The following CISD2 variants were observed in gnomAD, a reference collection of about 807,000 sequenced individuals.
CISD2 encodes CDGSH iron sulfur domain 2.
A neutral mutation model predicts 12.9 loss-of-function variants in CISD2; 1 was observed. That is an observed-to-expected ratio of 0.08 (90% CI 0.03 to 0.37). CISD2 has a LOEUF of 0.37. Ranked by LOEUF, CISD2 falls within the 10% of genes least tolerant of loss-of-function variation. CISD2 has a pLI of 0.99. For synonymous variants in CISD2, 50 were observed against 60.6 expected, an observed-to-expected ratio of 0.83 and a Z score of 0.81; for missense variants, 97 against 163.1, an observed-to-expected ratio of 0.59 and a Z score of 2.21.
intron 1 of CISD2, among the ~76,000 whole-genome samples, chr4:102,879,162 T>C (rs1260000500): frequency 6.6e-6 from 1 of 152,094 alleles, no homozygotes; most frequent in Non-Finnish European, 1.5e-5. Context: ...GGTTCCTCCC[T>C]TGACGTGGGG....
chr4:102,879,270 TA>T (rs1733659642), intron 1 of CISD2, among the ~76,000 whole-genome samples: 1 of 151,946 alleles, frequency 6.6e-6, no homozygotes, highest in African/African-American at 2.4e-5. Flanking sequence ...ATTTAATTTT[TA>T]TAGTAATAAT....
rs1734085808 is a variant in CISD2, at chr4:102,888,965, T to A, written c.*1535T>A. The A allele has an allele frequency of 6.6e-6, 1 of 152,246 alleles. No homozygotes were observed. The highest frequency in any genetic ancestry group is 2.4e-5 in the African/African-American group (1 of 41,468). The allele number at this position is 152,246 out of a possible 1,614,324, so 9.4% of individuals were successfully genotyped here. A position where few individuals can be genotyped will look rare whatever the true frequency, so the allele number is the denominator to read the frequency against. ...ACTTTGCTTTCTTTTTATAAGAATG[T>A]ACAAGAGGCAGACAGAGGTAATCCT... On this transcript the variant is annotated 3_prime_UTR_variant, in exon 3 of 3. Transcript: ENST00000273986.
intron 1 of CISD2, among the ~76,000 whole-genome samples, chr4:102,872,604 T>C (rs79069143): frequency 6.6e-6 from 1 of 152,208 alleles, no homozygotes; most frequent in Non-Finnish European, 1.5e-5. Flanking sequence ...TCTGTTCTAG[T>C]TCTGTGGAAT....
intron 1 of CISD2, among the ~76,000 whole-genome samples, chr4:102,871,571 A>G (rs1314699876): frequency 6.6e-6 from 1 of 152,168 alleles, no homozygotes; most frequent in Non-Finnish European, 1.5e-5. Flanking sequence ...GGACAAAACA[A>G]TTGCAGGGTT....
In CISD2 at chr4:102,890,806, C is replaced by CAATAAGTAAGCTACTTAT. The variant is rs1327456037; in HGVS notation, c.*3376_*3377insAATAAGTAAGCTACTTAT. The CAATAAGTAAGCTACTTAT allele has an allele frequency of 1.3e-3, 169 of 128,366 alleles. 4 individuals are homozygous for CAATAAGTAAGCTACTTAT. Among genetic ancestry groups the CAATAAGTAAGCTACTTAT allele is most frequent in the African/African-American group, 5.1e-3 (158 of 30,688 alleles). The allele number at this position is 128,366 out of a possible 1,614,324, so 8.0% of individuals were successfully genotyped here. On this transcript the variant is annotated 3_prime_UTR_variant, in exon 3 of 3. Transcript: ENST00000273986. ...AGTGAGCCAAGATTGTGCCACTGCA[C>CAATAAGTAAGCTACTTAT]TCCAGCCTGGGCAACAGAAGTGAAA...
In CISD2 at chr4:102,887,930, AT is replaced by A. The variant is rs1398695925; in HGVS notation, c.*502del. The A allele has an allele frequency of 1.3e-5, 2 of 155,190 alleles. No individual in the cohort carries two copies. Among genetic ancestry groups the A allele is most frequent in the East Asian group, 3.8e-4 (2 of 5,318 alleles). 9.6% of individuals were successfully genotyped at this position (155,190 alleles called of 1,614,324 possible). On this transcript the variant is annotated 3_prime_UTR_variant, in exon 3 of 3. Coordinates refer to ENST00000273986, the MANE Select transcript of CISD2 (RefSeq NM_001008388.5). ...GAGATAGACTCTTTGCTTTATAGAG[AT>A]TGTTGTGTATTTAATATGAATATCC...
At chr4:102,874,551 G>A (rs1273181271) in intron 1 of CISD2, 11 of 152,122 alleles carry the variant, frequency 7.2e-5, no homozygotes, top group Admixed American at 7.2e-4. Flanking sequence ...ATGTGAAGAT[G>A]GAGGCAGAGA....
At chr4:102,874,126 CA>C (rs35847709) in intron 1 of CISD2, among the ~76,000 whole-genome samples, 3,448 of 133,050 alleles carry the variant, frequency 0.026, 97 homozygotes, top group African/African-American at 0.077. Context: ...ACTCTGTCTT[CA>C]AAAAAAAAAA....
intron 1 of CISD2, among the ~76,000 whole-genome samples, chr4:102,884,403 G>T (rs573138081): frequency 6.6e-6 from 1 of 152,264 alleles, no homozygotes; most frequent in African/African-American, 2.4e-5. Context: ...CAAGGTATCA[G>T]ATTCGGCATT....
chr4:102,876,275 A>G (rs896446109), intron 1 of CISD2, among the ~76,000 whole-genome samples: 3 of 152,252 alleles, frequency 2.0e-5, no homozygotes, highest in Admixed American at 6.5e-5. Context: ...GGTTCCAAGT[A>G]TATGAAAATC....
intron 1 of CISD2, among the ~76,000 whole-genome samples, chr4:102,876,850 C>T (rs969662821): frequency 3.9e-5 from 6 of 152,088 alleles, no homozygotes; most frequent in East Asian, 3.9e-4. Flanking sequence ...AGGAAACTTA[C>T]GGTCATGGTA....
intron 1 of CISD2, among the ~76,000 whole-genome samples, chr4:102,875,069 C>T (rs763774103): frequency 9.9e-5 from 15 of 152,212 alleles, no homozygotes; most frequent in Non-Finnish European, 1.8e-4. Flanking sequence ...TGTCATCATA[C>T]GGCACCTGCT....
At position 102,891,755 on chromosome 4, in the gene CISD2, CTAAA is replaced by C. The variant is rs1353551544; in HGVS notation, c.*4330_*4333del. On this transcript the variant is annotated 3_prime_UTR_variant, in exon 3 of 3. Coordinates refer to ENST00000273986, the MANE Select transcript of CISD2 (RefSeq NM_001008388.5). ...TTATTTTGTTAAAGTTTGAGGAAAA[CTAAA>C]TAAAGCAGTAGCAATTTAAGTCATA... 1 of 152,082 alleles carries C rather than the reference CTAAA, an allele frequency of 6.6e-6. No homozygotes were observed. The highest frequency in any genetic ancestry group is 2.4e-5 in the African/African-American group (1 of 41,384). 9.4% of individuals were successfully genotyped at this position (152,082 alleles called of 1,614,324 possible).
At chr4:102,883,779 G>A (rs986156701) in intron 1 of CISD2, among the ~76,000 whole-genome samples, 4 of 152,184 alleles carry the variant, frequency 2.6e-5, no homozygotes, top group Non-Finnish European at 2.9e-5. Flanking sequence ...GTAACTACAA[G>A]ATTATATTCC....
At chr4:102,883,859 A>G (rs906873140) in intron 1 of CISD2, among the ~76,000 whole-genome samples, 1 of 152,216 alleles carries the variant, frequency 6.6e-6, no homozygotes, top group African/African-American at 2.4e-5. Flanking sequence ...AGTTGCTAGT[A>G]CTTCCTCACC....
At position 102,889,957 on chromosome 4, in the gene CISD2, C is replaced by T. The variant is rs1355974444; in HGVS notation, c.*2527C>T. On this transcript the variant is annotated 3_prime_UTR_variant, in exon 3 of 3. Coordinates refer to ENST00000273986, the MANE Select transcript of CISD2 (RefSeq NM_001008388.5). Reference sequence around the variant, plus strand: ...AAATACATGTCTTCGGTTTCTAGAGCCTTCAAAATACAGCCCTGTTGTTAC... The same window carrying T: ...AAATACATGTCTTCGGTTTCTAGAGTCTTCAAAATACAGCCCTGTTGTTAC... The T allele has an allele frequency of 6.7e-6, 1 of 149,282 alleles. No individual in the cohort carries two copies. The highest frequency in any genetic ancestry group is 1.5e-5 in the Non-Finnish European group (1 of 67,688). 9.2% of individuals were successfully genotyped at this position (149,282 alleles called of 1,614,324 possible).
intron 1 of CISD2, among the ~76,000 whole-genome samples, chr4:102,881,542 C>T (rs1264520394): frequency 6.6e-6 from 1 of 152,074 alleles, no homozygotes; most frequent in Non-Finnish European, 1.5e-5. Flanking sequence ...TCACTTGTAC[C>T]CCATAAATAT....
chr4:102,885,786 T>C (rs1436100986), intron 2 of CISD2, among the ~76,000 whole-genome samples: 1 of 152,228 alleles, frequency 6.6e-6, no homozygotes, highest in Non-Finnish European at 1.5e-5. Flanking sequence ...ATGAGTTTGG[T>C]TGGACAAGTT....
intron 1 of CISD2, among the ~76,000 whole-genome samples, chr4:102,875,174 A>G (rs761235605): frequency 3.3e-5 from 5 of 152,326 alleles, no homozygotes; most frequent in Non-Finnish European, 7.4e-5. Context: ...ACCTTTGCCT[A>G]TGCAGCTTCC....
Sources: allele counts gnomAD v4.1 joint callset (sites outside exome capture counted in the v4.1 genomes callset), GRCh38; gene constraint gnomAD v4.1.1; transcripts MANE v1.5; gene names NCBI Gene and HGNC (gene_info 2026-07-23, HGNC 2026-07-21).